The following TUFT1 variants were observed in gnomAD, a reference collection of about 807,000 sequenced individuals.
The protein encoded by TUFT1 is tuftelin 1.
In TUFT1, 43 loss-of-function variants were observed where a neutral mutation model predicts 57.8. The ratio of observed to expected loss-of-function variants is 0.74; its 90% confidence interval spans 0.58 to 0.96. TUFT1 has a LOEUF of 0.96. Among genes scored for constraint, TUFT1 ranks in the 40% least tolerant of loss-of-function variants. The probability of loss-of-function intolerance (pLI) is 0.00; values close to 1 mark genes in which losing one functional copy is unlikely to be tolerated. For missense variants in TUFT1, 459 were observed against 489.0 expected, an observed-to-expected ratio of 0.94 and a Z score of 0.58; for synonymous variants, 166 against 176.7, an observed-to-expected ratio of 0.94 and a Z score of 0.48.
intron 3 of TUFT1, among the ~76,000 whole-genome samples, chr1:151,563,037 C>T (rs1558008425): frequency 6.6e-6 from 1 of 151,976 alleles, no homozygotes; most frequent in African/African-American, 2.4e-5. Flanking sequence ...CCTGATGGAA[C>T]TTATTTATTT....
rs201795159 is a variant in TUFT1, at chr1:151,564,604, A to G, written c.404A>G (p.Gln135Arg). The G allele has an allele frequency of 1.2e-6, 2 of 1,613,830 alleles. No individual in the cohort carries two copies. The highest frequency in any genetic ancestry group is 1.7e-6 in the Non-Finnish European group (2 of 1,179,822). The change falls in exon 5 of 13, where the codon CAG becomes CGG. Residue 135 changes from glutamine (Q) to arginine (R), a missense_variant. Physicochemically the swap from Gln to Arg is conservative, Grantham distance 43. Transcript: ENST00000368849. ...AACCTAGGAGATTCTCTCCATCGAC[A>G]GGAGATACAGGTAATAGGAAATGGT... ...DRNLGDSLHR[Q>R]EIQVVLEKPN...
intron 7 of TUFT1, among the ~76,000 whole-genome samples, chr1:151,570,676 A>T (rs76012771): frequency 6.6e-6 from 1 of 152,022 alleles, no homozygotes; most frequent in African/African-American, 2.4e-5. Flanking sequence ...TTTTCTAGAA[A>T]ATTCTTTGAG....
At position 151,571,043 on chromosome 1, in the gene TUFT1, C is replaced by T. The variant is rs914217000; in HGVS notation, c.594+1273C>T. Among the ~76,000 whole-genome samples the T allele has an allele frequency of 2.8e-4, 43 of 152,216 alleles. 1 individual carries two copies. The highest frequency in any genetic ancestry group is 2.9e-5 in the Non-Finnish European group (2 of 68,028). Reference sequence around the variant, plus strand: ...TTCCAACTGCTCTGTGTGAGGTTAACCATCTGTTACCTGCTTTTGTTCTTC... The same window carrying T: ...TTCCAACTGCTCTGTGTGAGGTTAATCATCTGTTACCTGCTTTTGTTCTTC... On this transcript the variant is annotated intron_variant, in intron 7 of 12. Transcript: ENST00000368849.
chr1:151,544,017 C>T (rs1270052462), intron 1 of TUFT1, among the ~76,000 whole-genome samples: 1 of 143,480 alleles, frequency 7.0e-6, no homozygotes, highest in East Asian at 2.0e-4. Flanking sequence ...GGGTCTCACT[C>T]TGTTGCCCAG....
chr1:151,567,175 T>G (rs1051258254), intron 6 of TUFT1, among the ~76,000 whole-genome samples: 1 of 152,178 alleles, frequency 6.6e-6, no homozygotes, highest in African/African-American at 2.4e-5. Context: ...GCTGGGATTA[T>G]AGGCATGAGC....
chr1:151,551,969 A>G (rs1348174352), intron 1 of TUFT1, among the ~76,000 whole-genome samples: 4 of 152,220 alleles, frequency 2.6e-5, no homozygotes, highest in African/African-American at 9.6e-5. Context: ...ACAAATCATT[A>G]CGGGCACTGC....
At chr1:151,562,562 C>CTT (rs2102537238) in intron 2 of TUFT1, 23 bp from the exon 3 acceptor site, 2 of 1,539,862 alleles carry the variant, frequency 1.3e-6, no homozygotes, top group East Asian at 2.2e-5. Context: ...CTCTCTCTCT[C>CTT]TCTCTCATCT....
rs140700509 is a variant in TUFT1 at position 151,546,523 on chromosome 1, AT to A, written c.60+6100del. Among the ~76,000 whole-genome samples the A allele has an allele frequency of 5.7e-3, 863 of 152,012 alleles. 11 individuals carry two copies. Among genetic ancestry groups the A allele is most frequent in the African/African-American group, 0.02 (840 of 41,452 alleles). On this transcript the variant is annotated intron_variant, in intron 1 of 12. Coordinates refer to ENST00000368849, the MANE Select transcript of TUFT1 (RefSeq NM_020127.3). The stretch of plus-strand genomic sequence containing the variant: ...CCTGACCCATTAGCAGTCACTCCCC[AT>A]TTCCCCCCAATCTCTCTCAGCCCTA...
intron 11 of TUFT1, among the ~76,000 whole-genome samples, chr1:151,580,610 TATAATCACG>T (rs2102560218): frequency 7.2e-6 from 1 of 138,044 alleles, no homozygotes; most frequent in Non-Finnish European, 1.5e-5. Flanking sequence ...TGCAGTGAGC[TATAATCACG>T]CCACTGCACT....
intron 9 of TUFT1, among the ~76,000 whole-genome samples, chr1:151,578,272 C>G (rs1340846391): frequency 1.3e-5 from 2 of 152,142 alleles, no homozygotes; most frequent in South Asian, 4.1e-4. Context: ...TCAGTTTCCT[C>G]TCTTAGACTA....
chr1:151,573,542 C>T (rs966651585), intron 7 of TUFT1, among the ~76,000 whole-genome samples: 5 of 152,114 alleles, frequency 3.3e-5, no homozygotes, highest in South Asian at 2.1e-4. Flanking sequence ...GTCAGGAGTT[C>T]GAGAGCAGCC....
Position 151,566,242 on chromosome 1 carries a change from G to A in TUFT1, c.480+14G>A, listed in dbSNP as rs1666074251. ...AGCCCACCTGAGGTAGGTAACAGAG[G>A]ACACCATGGTGGCTCCGCTTAGCCA... On this transcript the variant is annotated intron_variant, in intron 6 of 12. Transcript: ENST00000368849. 1.9e-6 allele frequency: 3 copies of A among 1,607,788 alleles called. No homozygotes were observed. In the South Asian group the frequency reaches 3.3e-5, roughly 18 times the overall value.
intron 1 of TUFT1, among the ~76,000 whole-genome samples, chr1:151,556,793 A>G (rs1665712874): frequency 6.6e-6 from 1 of 152,164 alleles, no homozygotes; most frequent in Non-Finnish European, 1.5e-5. Flanking sequence ...AACATGGTGA[A>G]GCCCCCTCTA....
intron 11 of TUFT1, among the ~76,000 whole-genome samples, chr1:151,580,504 A>G (rs796368867): frequency 1.1e-4 from 16 of 151,822 alleles, no homozygotes; most frequent in Non-Finnish European, 4.4e-5. Context: ...AAAAGAAAAA[A>G]TTTTTTTAAT....
intron 4 of TUFT1, 130 bp from the exon 5 acceptor site, chr1:151,564,395 C>T: frequency 1.5e-6 from 1 of 658,666 alleles, no homozygotes. Flanking sequence ...TCCCTCCCTC[C>T]ATCCTGCAGC....
intron 6 of TUFT1, among the ~76,000 whole-genome samples, chr1:151,568,907 G>A (rs1666162102): frequency 6.6e-6 from 1 of 152,164 alleles, no homozygotes; most frequent in East Asian, 1.9e-4. Context: ...AAGGCCCACA[G>A]GACTTCACTT....
chr1:151,543,127 T>C (rs1022674211), intron 1 of TUFT1, among the ~76,000 whole-genome samples: 1 of 152,138 alleles, frequency 6.6e-6, no homozygotes, highest in African/African-American at 2.4e-5. Context: ...ATACACTCTC[T>C]GGGATGTTTT....
At position 151,560,956 on chromosome 1, in the gene TUFT1, T is replaced by TTGTGTGTGTGTGTG. The variant is rs68056033; in HGVS notation, c.61-1100_61-1087dup. On this transcript the variant is annotated intron_variant, in intron 1 of 12. Transcript: ENST00000368849. ...GGTTTTTAATTTTCCCTGCAAAGTATTGTGTGTGTGTGTGTGTGTGTGTGT... is the reference window on the plus strand; with the variant it reads ...GGTTTTTAATTTTCCCTGCAAAGTATTGTGTGTGTGTGTGTGTGTGTGTGTGTGTGTGTGTGTGT... Among the ~76,000 whole-genome samples the TTGTGTGTGTGTGTG allele has an allele frequency of 1.2e-4, 16 of 132,536 alleles. 1 individual carries two copies. The highest frequency in any genetic ancestry group is 2.7e-4 in the African/African-American group (9 of 33,206). 86.9% of individuals were successfully genotyped at this position (132,536 alleles called of 152,430 possible).
At chr1:151,564,481 C>G (rs1558009138) in intron 4 of TUFT1, 44 bp from the exon 5 acceptor site, 3 of 1,511,498 alleles carry the variant, frequency 2.0e-6, no homozygotes, top group African/African-American at 1.4e-5. Flanking sequence ...GGCATGCTCT[C>G]TTTCTCTACC....
Sources: gnomAD v4.1 joint callset for allele counts (sites outside exome capture counted in the v4.1 genomes callset) on GRCh38, gnomAD v4.1.1 for gene constraint, MANE v1.5 for transcripts, NCBI Gene and HGNC (gene_info 2026-07-23, HGNC 2026-07-21) for gene names.